The following HSPA12A variants were observed in gnomAD, a reference collection of about 807,000 sequenced individuals.
HSPA12A encodes the protein heat shock protein family A (Hsp70) member 12A.
A neutral mutation model predicts 69.2 loss-of-function variants in HSPA12A; 28 were observed. The ratio of observed to expected loss-of-function variants is 0.40; its 90% CI spans 0.30 to 0.55. HSPA12A has a LOEUF of 0.55. HSPA12A is among the 20% of genes least tolerant of loss of function. The probability of loss-of-function intolerance (pLI) is 0.38; values close to 1 mark genes in which losing one functional copy is unlikely to be tolerated. For synonymous variants in HSPA12A, 345 were observed against 370.5 expected (o/e 0.93, Z 0.79); for missense variants, 686 against 900.7 (o/e 0.76, Z 3.05).
Position 116,710,920 on chromosome 10 carries a change from C to T in HSPA12A, c.41-3635G>A, listed in dbSNP as rs575524025. Among the ~76,000 whole-genome samples, 15 of 152,330 alleles carry T rather than the reference C, an allele frequency of 9.8e-5. No individual in the cohort carries two copies. In the East Asian group the frequency reaches 2.9e-3, roughly 29 times the overall value. On this transcript the variant is annotated intron_variant, in intron 1 of 11. Transcript: ENST00000369209. The surrounding 1 kb of genome is among the most constrained non-coding windows in gnomAD (Gnocchi z 4.1). ...CTCAGGGGAAAAAAAACGGAAAAGC[C>T]TATCTCACCCCCTGAGGAGAATGGG...
rs1554881558 is a variant in HSPA12A at position 116,700,985 on chromosome 10, C to T, written c.399G>A (p.Trp133Ter). 3 of 1,613,884 alleles carry T rather than the reference C, an allele frequency of 1.9e-6. No individual in the cohort carries two copies. The highest frequency in any genetic ancestry group is 2.5e-6 in the Non-Finnish European group (3 of 1,180,036). The change falls in exon 4 of 12, where the codon TGG becomes TGA. Residue 133 changes from tryptophan (W) to a stop codon, truncating the protein, a stop_gained. Coordinates refer to ENST00000369209, the MANE Select transcript of HSPA12A (RefSeq NM_025015.3). LOFTEE classifies it high-confidence loss of function. ...HDLDPNEAKQ[W>*]LYLEKFKMKL... ...TCATCTTGAACTTCTCCAGGTACAGCCACTGCTTGGCCTCATTGGGATCCA... is the reference window on the plus strand; with the variant it reads ...TCATCTTGAACTTCTCCAGGTACAGTCACTGCTTGGCCTCATTGGGATCCA...
At chr10:116,839,618 A>C (rs921482165) in intron 1 of HSPA12A, among the ~76,000 whole-genome samples, 3 of 151,768 alleles carry the variant, frequency 2.0e-5, no homozygotes, top group African/African-American at 7.3e-5. Flanking sequence ...AAAAAAAAAA[A>C]AAAAAAAAAA....
At chr10:116,798,394 C>A (rs2133163875) in intron 2 of HSPA12A, among the ~76,000 whole-genome samples, 1 of 152,282 alleles carries the variant, frequency 6.6e-6, no homozygotes, top group East Asian at 1.9e-4. Flanking sequence ...CCCTGCTGGC[C>A]ACTAAGACAG....
chr10:116,764,006 A>G (rs1844027339), intron 2 of HSPA12A, among the ~76,000 whole-genome samples: 1 of 152,092 alleles, frequency 6.6e-6, no homozygotes, highest in Admixed American at 6.6e-5. Flanking sequence ...GGGGTGTTCC[A>G]GGAAGTCTAT....
At chr10:116,765,465 A>C (rs1554889653) in intron 2 of HSPA12A, among the ~76,000 whole-genome samples, 2 of 152,182 alleles carry the variant, frequency 1.3e-5, no homozygotes, top group African/African-American at 4.8e-5. Context: ...GGACCATAGG[A>C]GGGGGAAAAA....
exon 1 of HSPA12A, chr10:116,849,672 C>A: frequency 6.5e-7 from 1 of 1,549,802 alleles, no homozygotes; most frequent in Non-Finnish European, 8.7e-7. Flanking sequence ...TCCGCGCAGG[C>A]TGGAAGAGCT....
chr10:116,787,440 C>CAAA (rs776783179), intron 2 of HSPA12A, among the ~76,000 whole-genome samples: 83 of 68,414 alleles, frequency 1.2e-3, no homozygotes, highest in Admixed American at 3.1e-3. Flanking sequence ...CTCTAGCCAG[C>CAAA]AAAAAAAAAA....
chr10:116,780,046 G>C (rs1167767219), intron 2 of HSPA12A, among the ~76,000 whole-genome samples: 2 of 152,168 alleles, frequency 1.3e-5, no homozygotes, highest in Non-Finnish European at 2.9e-5. Context: ...CAAGCTGTTT[G>C]GGCACTGCGT....
chr10:116,827,393 C>T (rs2133205086), intron 2 of HSPA12A: 1 of 152,468 alleles, frequency 6.6e-6, no homozygotes, highest in East Asian at 1.9e-4. Context: ...GCGAGCCACT[C>T]CCAGCCACTG....
Position 116,674,774 on chromosome 10 carries a change from G to A in HSPA12A, c.*7C>T, listed in dbSNP as rs369504601. ...AGTCCAAGGGGACAGGCAGCGGGGC[G>A]GGAGGGTTAGTAATTTAAGAAGTCG... On this transcript the variant is annotated 3_prime_UTR_variant, in exon 12 of 12. Coordinates refer to ENST00000369209, the MANE Select transcript of HSPA12A (RefSeq NM_025015.3). The A allele has an allele frequency of 3.4e-5, 54 of 1,598,858 alleles. No individual in the cohort carries two copies. Among genetic ancestry groups the A allele is most frequent in the Non-Finnish European group, 4.4e-5 (51 of 1,172,298 alleles).
At chr10:116,682,867 ATTTTTTTTT>A (rs60393392) in intron 7 of HSPA12A, among the ~76,000 whole-genome samples, 19 of 117,728 alleles carry the variant, frequency 1.6e-4, no homozygotes, top group Non-Finnish European at 2.4e-4. Flanking sequence ...CGCCCGGCTA[ATTTTTTTTT>A]TTTTTTTTTT....
At chr10:116,808,606 A>C (rs1845114761) in intron 2 of HSPA12A, among the ~76,000 whole-genome samples, 1 of 152,120 alleles carries the variant, frequency 6.6e-6, no homozygotes. Context: ...CATTTCCAGA[A>C]CCTGATTTTC....
chr10:116,735,146 A>C (rs1285030328), intron 1 of HSPA12A, among the ~76,000 whole-genome samples: 1 of 152,252 alleles, frequency 6.6e-6, no homozygotes, highest in African/African-American at 2.4e-5. Context: ...CAAACAAATA[A>C]TTGTAAGTGT....
At chr10:116,782,451 T>C (rs1321147292) in intron 2 of HSPA12A, among the ~76,000 whole-genome samples, 3 of 152,140 alleles carry the variant, frequency 2.0e-5, no homozygotes, top group Admixed American at 2.0e-4. Flanking sequence ...GAGAGGGAGT[T>C]GTCCTTTGAC....
chr10:116,700,017 A>C (rs1200899329), intron 4 of HSPA12A, among the ~76,000 whole-genome samples: 1 of 152,228 alleles, frequency 6.6e-6, no homozygotes, highest in Admixed American at 6.5e-5. Flanking sequence ...AATCTGCACC[A>C]GGCATGGCTC....
chr10:116,836,367 C>CATAGT (rs1845710530), intron 1 of HSPA12A, among the ~76,000 whole-genome samples: 1 of 152,084 alleles, frequency 6.6e-6, no homozygotes, highest in Non-Finnish European at 1.5e-5. Context: ...TCTTAAAGGG[C>CATAGT]CAGTGACATT....
chr10:116,804,184 A>G (rs1212818644), intron 2 of HSPA12A, among the ~76,000 whole-genome samples: 3 of 151,372 alleles, frequency 2.0e-5, no homozygotes, highest in African/African-American at 4.9e-5. Context: ...TTCTTAAGCC[A>G]CTCATTATTC....
In HSPA12A at chr10:116,805,809, A is replaced by G. The variant is rs1316900351; in HGVS notation, c.91+29126T>C. On this transcript the variant is annotated intron_variant, in intron 2 of 12. Coordinates refer to the HSPA12A transcript ENST00000635765. ...CTACAGTGTAGGCTTCTGTAATCAA[A>G]TCAAGTCTTTTCAATTAAAACACAA... is the stretch of plus-strand genomic sequence containing the variant. 2.0e-5 allele frequency among the ~76,000 whole-genome samples: 3 copies of G among 152,234 alleles called. No homozygotes were observed. In the East Asian group the frequency reaches 5.8e-4, roughly 29 times the overall value.
intron 2 of HSPA12A, among the ~76,000 whole-genome samples, chr10:116,756,413 G>C (rs2133094765): frequency 6.6e-6 from 1 of 152,376 alleles, no homozygotes; most frequent in Non-Finnish European, 1.5e-5. Context: ...ACATTACACT[G>C]TGTGCTGGGG....
Sources: allele counts gnomAD v4.1 joint callset (sites outside exome capture counted in the v4.1 genomes callset), GRCh38; gene constraint gnomAD v4.1.1; non-coding constraint Gnocchi (gnomAD v3.1); transcripts MANE v1.5; gene names NCBI Gene and HGNC (gene_info 2026-07-23, HGNC 2026-07-21).